The following PSD3 variants were observed in gnomAD, a reference collection of about 807,000 sequenced individuals.
PSD3 encodes PH and SEC7 domain-containing protein 3.
PSD3 carries 49 observed loss-of-function variants against 105.5 expected under a neutral mutation model. The ratio of observed to expected loss-of-function variants is 0.46; its 90% CI spans 0.37 to 0.59. The LOEUF (loss-of-function observed/expected upper bound fraction) is 0.59, where lower values mean the gene tolerates loss of function less well. Ranked by LOEUF, PSD3 falls within the 20% of genes least tolerant of loss-of-function variation. The pLI, the probability that PSD3 is intolerant of heterozygous loss-of-function variation, is 0.00. For synonymous variants in PSD3, 557 were observed against 457.8 expected (o/e 1.22, Z -2.77); for missense variants, 1,561 against 1,263.8 (o/e 1.24, Z -3.57).
chr8:18,567,765 G>A (rs531905562), intron 14 of PSD3, among the ~76,000 whole-genome samples: 1 of 152,182 alleles, frequency 6.6e-6, no homozygotes, highest in South Asian at 2.1e-4. Flanking sequence ...AGGCCAATGT[G>A]GTTTGTCTTC....
intron 1 of PSD3, among the ~76,000 whole-genome samples, chr8:18,948,778 T>C (rs1253475521): frequency 6.6e-6 from 1 of 152,082 alleles, no homozygotes; most frequent in Non-Finnish European, 1.5e-5. Flanking sequence ...CAAAGTGAAA[T>C]CCACTCTATA....
intron 8 of PSD3, among the ~76,000 whole-genome samples, chr8:18,797,372 C>A (rs1358695635): frequency 6.6e-6 from 1 of 152,090 alleles, no homozygotes; most frequent in Non-Finnish European, 1.5e-5. Flanking sequence ...CCATGATTGG[C>A]CTAACTCAAG....
At chr8:18,984,749 A>G (rs894267986) in intron 1 of PSD3, among the ~76,000 whole-genome samples, 1 of 152,176 alleles carries the variant, frequency 6.6e-6, no homozygotes, top group Non-Finnish European at 1.5e-5. Flanking sequence ...ATTATCCCAT[A>G]AGACAGACAA....
chr8:18,820,775 C>T (rs1467041687), intron 4 of PSD3, among the ~76,000 whole-genome samples: 1 of 152,104 alleles, frequency 6.6e-6, no homozygotes, highest in Non-Finnish European at 1.5e-5. Flanking sequence ...GTTTTCTTTT[C>T]TCTTTTGAGA....
At chr8:18,789,743 T>C (rs1809517845) in intron 8 of PSD3, among the ~76,000 whole-genome samples, 2 of 152,318 alleles carry the variant, frequency 1.3e-5, no homozygotes, top group African/African-American at 4.8e-5. Context: ...GGCATTAAAG[T>C]AAGCAACAGG....
At chr8:18,721,161 C>T (rs1258745874) in intron 9 of PSD3, 1 of 151,940 alleles carries the variant, frequency 6.6e-6, no homozygotes, top group East Asian at 1.9e-4. Context: ...CACCGGACAC[C>T]CCTGAAAACT....
intron 9 of PSD3, among the ~76,000 whole-genome samples, chr8:18,736,964 G>C (rs897348565): frequency 9.2e-5 from 14 of 152,192 alleles, no homozygotes; most frequent in Non-Finnish European, 1.3e-4. Context: ...ATTATGCTGA[G>C]TGTGAGCCTG....
intron 12 of PSD3, among the ~76,000 whole-genome samples, chr8:18,594,031 A>G (rs1803816267): frequency 7.0e-6 from 1 of 142,902 alleles, no homozygotes; most frequent in Non-Finnish European, 1.5e-5. Context: ...GCAAATGACG[A>G]GTTAATGGGT....
chr8:18,644,849 T>C (rs1665402937), intron 10 of PSD3, among the ~76,000 whole-genome samples: 1 of 152,224 alleles, frequency 6.6e-6, no homozygotes, highest in Non-Finnish European at 1.5e-5. Context: ...AACTGCATAA[T>C]TTAAAATGAA....
At chr8:18,835,513 T>G (rs1389734817) in intron 4 of PSD3, among the ~76,000 whole-genome samples, 3 of 152,200 alleles carry the variant, frequency 2.0e-5, no homozygotes. Flanking sequence ...ATCCCTGCCC[T>G]CGTGGAACTT....
intron 2 of PSD3, among the ~76,000 whole-genome samples, chr8:18,925,525 C>A (rs951095345): frequency 6.6e-6 from 1 of 151,832 alleles, no homozygotes; most frequent in African/African-American, 2.4e-5. Context: ...GCATCCCTAA[C>A]CAAAAATCTA....
At chr8:18,971,255 G>A (rs1824632450) in intron 1 of PSD3, among the ~76,000 whole-genome samples, 1 of 152,152 alleles carries the variant, frequency 6.6e-6, no homozygotes, top group South Asian at 2.1e-4. Flanking sequence ...CTCTGGGAGG[G>A]CCGGACACCC....
chr8:18,558,391 A>C (rs1384849499), intron 14 of PSD3, among the ~76,000 whole-genome samples: 1 of 152,240 alleles, frequency 6.6e-6, no homozygotes, highest in Non-Finnish European at 1.5e-5. Flanking sequence ...ATTGAATGAT[A>C]TATGAAAAAC....
At chr8:18,577,225 T>A (rs1802515345) in intron 12 of PSD3, among the ~76,000 whole-genome samples, 1 of 152,038 alleles carries the variant, frequency 6.6e-6, no homozygotes, top group Non-Finnish European at 1.5e-5. Context: ...TAGTTATATA[T>A]TATTAGATAT....
chr8:19,060,255 A>C (rs1467259804), intron 1 of PSD3, among the ~76,000 whole-genome samples: 1 of 152,230 alleles, frequency 6.6e-6, no homozygotes, highest in East Asian at 1.9e-4. Context: ...AACTTTAAAA[A>C]TGAAATGAGT....
intron 1 of PSD3, among the ~76,000 whole-genome samples, chr8:19,036,609 T>C (rs1362728874): frequency 6.6e-6 from 1 of 152,166 alleles, no homozygotes; most frequent in Non-Finnish European, 1.5e-5. Flanking sequence ...ATGGAGTGAA[T>C]GGGCTGGACT....
intron 10 of PSD3, among the ~76,000 whole-genome samples, chr8:18,648,135 A>C (rs993124660): frequency 1.3e-5 from 2 of 152,194 alleles, no homozygotes; most frequent in Non-Finnish European, 2.9e-5. Flanking sequence ...TGCTATAAAA[A>C]ATACCTGAAA....
chr8:18,766,148 A>T (rs1214992816), intron 8 of PSD3, among the ~76,000 whole-genome samples: 1 of 151,932 alleles, frequency 6.6e-6, no homozygotes, highest in East Asian at 1.9e-4. Flanking sequence ...AGCCTGGCCA[A>T]CATGGCAAAA....
chr8:18,768,144 G>T (rs1204835336), intron 8 of PSD3, among the ~76,000 whole-genome samples: 1 of 142,314 alleles, frequency 7.0e-6, no homozygotes, highest in Non-Finnish European at 1.6e-5. Context: ...AAAATAGCCG[G>T]ATGTCATGGC....
Sources: gnomAD v4.1 joint callset for allele counts (sites outside exome capture counted in the v4.1 genomes callset) on GRCh38, gnomAD v4.1.1 for gene constraint, MANE v1.5 for transcripts, NCBI Gene and HGNC (gene_info 2026-07-23, HGNC 2026-07-21) for gene names.